The following SDK1 variants were observed in gnomAD, a reference collection of about 807,000 sequenced individuals.
SDK1 encodes sidekick cell adhesion molecule 1.
Under a neutral mutation model 245.5 loss-of-function variants are expected in SDK1, and 157 were observed. That is an observed-to-expected ratio of 0.64 (90% CI 0.56 to 0.73). SDK1 has a LOEUF of 0.73. Among genes scored for constraint, SDK1 ranks in the 30% least tolerant of loss-of-function variants. The pLI, the probability that SDK1 is intolerant of heterozygous loss-of-function variation, is 0.00. For synonymous variants in SDK1, 1,647 were observed against 1,278.5 expected, an observed-to-expected ratio of 1.29 and a Z score of -6.15; for missense variants, 3,583 against 3,002.3, an observed-to-expected ratio of 1.19 and a Z score of -4.52.
chr7:3,409,623 G>A (rs576004553), intron 1 of SDK1, among the ~76,000 whole-genome samples: 19 of 152,270 alleles, frequency 1.2e-4, no homozygotes, highest in African/African-American at 2.6e-4. Flanking sequence ...GGAAGTCCAC[G>A]TAGGAAGAAA....
In SDK1 at chr7:3,974,366, C is replaced by G. The variant is rs757106310; in HGVS notation, c.1818-3C>G. ...AACTCAAGACCCTTTGCTTGGCCCACAGCTACGTTTGGAAGAAGGACAACG... is the reference window on the plus strand; with the variant it reads ...AACTCAAGACCCTTTGCTTGGCCCAGAGCTACGTTTGGAAGAAGGACAACG... On this transcript the variant is annotated splice_region_variant and splice_polypyrimidine_tract_variant and intron_variant, in intron 12 of 44. Coordinates refer to ENST00000404826, the MANE Select transcript of SDK1 (RefSeq NM_152744.4). 1.2e-6 allele frequency: 2 copies of G among 1,610,328 alleles called. No individual in the cohort carries two copies. Among genetic ancestry groups the G allele is most frequent in the Non-Finnish European group, 8.5e-7 (1 of 1,176,902 alleles).
rs930050132 is a variant in SDK1 at position 3,695,814 on chromosome 7, G to A, written c.713+53709G>A. 3.3e-5 allele frequency among the ~76,000 whole-genome samples: 5 copies of A among 152,182 alleles called. No individual in the cohort carries two copies. The South Asian group carries it at 8.3e-4, about 25-fold the overall frequency. ...ACGTAGCCTGTATGTGCAGTAGAGG[G>A]CAGAGGAAGACCAGCAGTGTAATCA... On this transcript the variant is annotated intron_variant, in intron 4 of 44. Coordinates refer to ENST00000404826, the MANE Select transcript of SDK1 (RefSeq NM_152744.4).
chr7:4,212,606 GC>G (rs1784566583), intron 38 of SDK1, among the ~76,000 whole-genome samples: 1 of 152,188 alleles, frequency 6.6e-6, no homozygotes, highest in Non-Finnish European at 1.5e-5. Context: ...GAGCCAGGGG[GC>G]CTGGACGAGG....
intron 4 of SDK1, among the ~76,000 whole-genome samples, chr7:3,735,879 A>T (rs1355990548): frequency 2.0e-5 from 3 of 152,048 alleles, no homozygotes; most frequent in Non-Finnish European, 2.9e-5. Context: ...GGCCATCCTA[A>T]TGTGTGAAGA....
At chr7:3,338,046 G>A (rs1319309925) in intron 1 of SDK1, 6 of 167,296 alleles carry the variant, frequency 3.6e-5, no homozygotes, top group Non-Finnish European at 6.4e-5. Context: ...AATATATGCC[G>A]CGGAAATATT....
At chr7:3,974,242 C>A in intron 12 of SDK1, 127 bp from the exon 13 acceptor site, 2 of 665,160 alleles carry the variant, frequency 3.0e-6, no homozygotes, top group South Asian at 2.4e-5. Context: ...TTTTAAAGAG[C>A]ACAGTTCAGT....
chr7:4,143,212 A>C (rs1779701682), intron 28 of SDK1, among the ~76,000 whole-genome samples: 1 of 152,080 alleles, frequency 6.6e-6, no homozygotes, highest in Non-Finnish European at 1.5e-5. Flanking sequence ...CTAAGGCACC[A>C]CGCCCATATC....
At chr7:3,900,122 C>T (rs1215150064) in intron 5 of SDK1, among the ~76,000 whole-genome samples, 1 of 152,210 alleles carries the variant, frequency 6.6e-6, no homozygotes, top group Admixed American at 6.5e-5. Context: ...TTCCTCTTTG[C>T]TGAAGAAACC....
chr7:3,487,754 C>CAAA lies in SDK1; in HGVS notation c.299-131306_299-131304dup, dbSNP rs764105126. ...TGGGCAACAGAGCAAGACCCCATCTCAAAAAAAAAAAAAAAAAAAAAAGAA... is the reference window on the plus strand; with the variant it reads ...TGGGCAACAGAGCAAGACCCCATCTCAAAAAAAAAAAAAAAAAAAAAAAAAGAA... On this transcript the variant is annotated intron_variant, in intron 1 of 44. Coordinates refer to ENST00000404826, the MANE Select transcript of SDK1 (RefSeq NM_152744.4). Among the ~76,000 whole-genome samples, 349 of 64,862 alleles carry CAAA rather than the reference C, an allele frequency of 5.4e-3. 11 individuals are homozygous for CAAA. Among genetic ancestry groups the CAAA allele is most frequent in the African/African-American group, 0.011 (211 of 18,680 alleles). The allele number at this position is 64,862 out of a possible 152,430, so 42.6% of individuals were successfully genotyped here.
At chr7:3,972,427 G>A (rs1242147126) in intron 12 of SDK1, among the ~76,000 whole-genome samples, 1 of 152,110 alleles carries the variant, frequency 6.6e-6, no homozygotes, top group East Asian at 1.9e-4. Context: ...TTAAATTCGG[G>A]CCAGGAAAGT....
At chr7:3,416,551 AG>A (rs1262251496) in intron 1 of SDK1, among the ~76,000 whole-genome samples, 1 of 149,010 alleles carries the variant, frequency 6.7e-6, no homozygotes, top group Non-Finnish European at 1.5e-5. Flanking sequence ...TGCTGTCTTC[AG>A]GCAATAAGGA....
At chr7:3,739,443 T>C (rs1296677896) in intron 4 of SDK1, among the ~76,000 whole-genome samples, 1 of 152,176 alleles carries the variant, frequency 6.6e-6, no homozygotes, top group Non-Finnish European at 1.5e-5. Flanking sequence ...GGCACACCTG[T>C]TGGCATCTCA....
intron 1 of SDK1, among the ~76,000 whole-genome samples, chr7:3,571,119 C>T (rs539975356): frequency 8.4e-4 from 128 of 151,860 alleles, no homozygotes; most frequent in African/African-American, 2.7e-3. Flanking sequence ...ACCAAGTCTG[C>T]GTTACTTAAT....
At position 3,642,075 on chromosome 7, in the gene SDK1, A is replaced by T; in HGVS notation, c.683A>T (p.Glu228Val). ...AGACCTCAAGTGACTTGGTTTAGAG[A>T]AGGGCACAAGATTATTCCAAGCAAC... The part of the protein sequence containing the change: ...YPRPQVTWFR[E>V]GHKIIPSNRI... The change falls in exon 4 of 45, where the codon GAA (glutamate) becomes GTA (valine). Residue 228 changes from glutamate to valine, a missense_variant. By Grantham distance (121) the Glu-to-Val change is moderately radical. Transcript: ENST00000404826. 6.2e-7 allele frequency: 1 copy of T among 1,614,184 alleles called. No homozygotes were observed. Among genetic ancestry groups the T allele is most frequent in the Non-Finnish European group, 8.5e-7 (1 of 1,180,016 alleles).
intron 5 of SDK1, among the ~76,000 whole-genome samples, chr7:3,935,294 C>G (rs1474011093): frequency 2.0e-5 from 3 of 152,234 alleles, no homozygotes; most frequent in Admixed American, 2.0e-4. Context: ...AATGTGAGAC[C>G]TAGAACTATA....
intron 5 of SDK1, among the ~76,000 whole-genome samples, chr7:3,866,079 A>G (rs1370005822): frequency 6.6e-6 from 1 of 152,204 alleles, no homozygotes; most frequent in Admixed American, 6.5e-5. Flanking sequence ...CATTATGAAT[A>G]TATTTTGTTA....
At chr7:3,587,451 C>T (rs1404308414) in intron 1 of SDK1, among the ~76,000 whole-genome samples, 1 of 151,946 alleles carries the variant, frequency 6.6e-6, no homozygotes, top group African/African-American at 2.4e-5. Flanking sequence ...GTGTTAGAGC[C>T]AGAGAGCCAA....
intron 1 of SDK1, among the ~76,000 whole-genome samples, chr7:3,509,269 C>T (rs1195624377): frequency 2.0e-5 from 3 of 152,092 alleles, no homozygotes; most frequent in Non-Finnish European, 4.4e-5. Flanking sequence ...TCTGGTTTTT[C>T]TGTTTGTGCT....
chr7:4,090,414 C>T (rs1432067647), intron 22 of SDK1, among the ~76,000 whole-genome samples: 1 of 152,142 alleles, frequency 6.6e-6, no homozygotes, highest in African/African-American at 2.4e-5. Context: ...AAGCTTTCTC[C>T]TCATTTATTT....
Sources: gnomAD v4.1 joint callset for allele counts (sites outside exome capture counted in the v4.1 genomes callset) on GRCh38, gnomAD v4.1.1 for gene constraint, MANE v1.5 for transcripts, NCBI Gene and HGNC (gene_info 2026-07-23, HGNC 2026-07-21) for gene names.